The following CBY2 variants were observed in gnomAD, a reference collection of about 807,000 sequenced individuals.
CBY2 encodes the protein chibby family member 2.
Under a neutral mutation model 25.3 loss-of-function variants are expected in CBY2, and 23 were observed. That is an observed-to-expected ratio of 0.91 (90% CI 0.65 to 1.29). The LOEUF is 1.29. CBY2 is among the 50% of genes most tolerant of loss of function. The pLI is 0.00. For synonymous variants in CBY2, 279 were observed against 260.2 expected (o/e 1.07, Z -0.70); for missense variants, 642 against 590.7 (o/e 1.09, Z -0.90).
At chr13:45,709,552 T>G (rs1470082914) in intron 2 of CBY2, among the ~76,000 whole-genome samples, 1 of 152,242 alleles carries the variant, frequency 6.6e-6, no homozygotes, top group Non-Finnish European at 1.5e-5. Flanking sequence ...TGTTAAATGT[T>G]AAAGGGTGAT....
In CBY2 at chr13:45,709,470, G is replaced by A. The variant is rs533565175; in HGVS notation, c.157-3712G>A. Among the ~76,000 whole-genome samples the A allele has an allele frequency of 3.0e-3, 456 of 152,274 alleles. 11 individuals carry two copies. Among genetic ancestry groups the A allele is most frequent in the Non-Finnish European group, 6.5e-4 (44 of 68,010 alleles). On this transcript the variant is annotated intron_variant, in intron 2 of 2. Coordinates refer to ENST00000310521, the MANE Select transcript of CBY2 (RefSeq NM_152719.3). ...ATTGTCTCTCTGGCTGAAACAAAAC[G>A]ATCGTTAAAAAGAAATGAGAATTGG... is the stretch of plus-strand genomic sequence containing the variant.
In CBY2 at chr13:45,713,888, A is replaced by T; in HGVS notation, c.863A>T (p.His288Leu). The change falls in exon 3 of 3, where the codon CAC (histidine) becomes CTC (leucine). Residue 288 changes from histidine (H) to leucine (L), a missense_variant. His to Leu is a moderately conservative substitution (Grantham distance 99). Transcript: ENST00000310521. This position sits in a 1 kb window ranked among gnomAD's most constrained non-coding sequence, Gnocchi z 5.0. ...GAAAGCAAGCCCGCCCCCTCACCCC[A>T]CGAGGAGCCCTGCAGCCCCGGGCTG... ...AEESKPAPSP[H>L]EEPCSPGLLQ... The T allele has an allele frequency of 6.5e-7, 1 of 1,532,544 alleles. No individual in the cohort carries two copies. Among genetic ancestry groups the T allele is most frequent in the Non-Finnish European group, 8.7e-7 (1 of 1,144,096 alleles). 94.9% of individuals were successfully genotyped at this position (1,532,544 alleles called of 1,614,324 possible). A position where few individuals can be genotyped will look rare whatever the true frequency, so the allele number is the denominator to read the frequency against.
At chr13:45,702,665 T>C (rs1473212324) in intron 1 of CBY2, 110 bp from the exon 2 acceptor site, 2 of 971,568 alleles carry the variant, frequency 2.1e-6, no homozygotes, top group Non-Finnish European at 3.2e-6. Context: ...TGTACATAAT[T>C]GACAAGAGAG....
rs748210115 is a variant in CBY2, at chr13:45,713,766, G to A, written c.741G>A (p.Leu247=). The A allele has an allele frequency of 1.2e-6, 2 of 1,605,532 alleles. No individual in the cohort carries two copies. Among genetic ancestry groups the A allele is most frequent in the South Asian group, 2.2e-5 (2 of 90,594 alleles). The part of the protein sequence containing the change: ...QVPRGKEDST[L]QLLREENRAL... ...CCCGTGGCAAGGAGGACAGCACCCT[G>A]CAGCTCCTCCGGGAGGAGAATCGCG... The change falls in exon 3 of 3, where the codon CTG becomes CTA. Residue 247 remains leucine, a synonymous_variant. Transcript: ENST00000310521. The surrounding 1 kb of genome is among the most constrained non-coding windows in gnomAD (Gnocchi z 5.0).
At chr13:45,706,575 C>G (rs1024390945) in intron 2 of CBY2, among the ~76,000 whole-genome samples, 2 of 152,146 alleles carry the variant, frequency 1.3e-5, no homozygotes, top group Non-Finnish European at 2.9e-5. Context: ...CTTTTTCTTT[C>G]CTACCTACTG....
chr13:45,703,355 G>T, intron 2 of CBY2: 1 of 1,433,354 alleles, frequency 7.0e-7, no homozygotes, highest in East Asian at 2.5e-5. Flanking sequence ...CATGGGCATA[G>T]ATGCTTTTTC....
chr13:45,704,498 G>A lies in CBY2; in HGVS notation c.156+1643G>A, dbSNP rs1326883770. Among the ~76,000 whole-genome samples the A allele has an allele frequency of 6.6e-6, 1 of 152,174 alleles. No individual in the cohort carries two copies. Among genetic ancestry groups the A allele is most frequent in the Non-Finnish European group, 1.5e-5 (1 of 68,036 alleles). On this transcript the variant is annotated intron_variant, in intron 2 of 2. Coordinates refer to ENST00000310521, the MANE Select transcript of CBY2 (RefSeq NM_152719.3). The surrounding 1 kb of genome is among the most constrained non-coding windows in gnomAD (Gnocchi z 4.1). ...AGGATGCTCAAGACTGGCACTCTGG[G>A]GGATGGGTGTGGGTGTCTACAACTA...
At chr13:45,709,094 A>G (rs1303671889) in intron 2 of CBY2, among the ~76,000 whole-genome samples, 1 of 152,210 alleles carries the variant, frequency 6.6e-6, no homozygotes. Context: ...TGGACCAGAG[A>G]CAGTTAGGCC....
rs796937373 is a variant in CBY2 at position 45,704,098 on chromosome 13, C to A, written c.156+1243C>A. On this transcript the variant is annotated intron_variant, in intron 2 of 2. Coordinates refer to ENST00000310521, the MANE Select transcript of CBY2 (RefSeq NM_152719.3). The surrounding 1 kb of genome is among the most constrained non-coding windows in gnomAD (Gnocchi z 4.1). The stretch of plus-strand genomic sequence containing the variant: ...AAAGTTGGTGTTTAAGAAACTTGGT[C>A]AGGCAGAGGATGCCAACCTAGGGGT... Among the ~76,000 whole-genome samples, 19 of 152,262 alleles carry A rather than the reference C, an allele frequency of 1.2e-4. No homozygotes were observed. Among genetic ancestry groups the A allele is most frequent in the African/African-American group, 4.6e-4 (19 of 41,546 alleles).
In CBY2 at chr13:45,714,187, G is replaced by C. The variant is rs760290377; in HGVS notation, c.1162G>C (p.Ala388Pro). The change falls in exon 3 of 3, where the codon GCA (alanine) becomes CCA (proline). Residue 388 changes from alanine to proline, a missense_variant. Coordinates refer to ENST00000310521, the MANE Select transcript of CBY2 (RefSeq NM_152719.3). Reference sequence around the variant, plus strand: ...GAACAGGACCCTGCAGGTGCTACGGGCAGAGCACAGGGGCTTCCAGGAGGA... The same window carrying C: ...GAACAGGACCCTGCAGGTGCTACGGCCAGAGCACAGGGGCTTCCAGGAGGA... Reference protein sequence around the residue: ...EENRTLQVLRAEHRGFQEENK... With the variant: ...EENRTLQVLRPEHRGFQEENK... 11 of 1,611,766 alleles carry C rather than the reference G, an allele frequency of 6.8e-6. No individual in the cohort carries two copies. In the Admixed American group the frequency reaches 1.5e-4, roughly 22 times the overall value.
At chr13:45,703,691 C>T (rs1169279072) in intron 2 of CBY2, 2 of 957,514 alleles carry the variant, frequency 2.1e-6, no homozygotes, top group Non-Finnish European at 3.2e-6. Flanking sequence ...CAAGTATGTT[C>T]AGCGGGAGGC....
intron 2 of CBY2, among the ~76,000 whole-genome samples, chr13:45,709,352 C>T (rs1264359518): frequency 2.0e-5 from 3 of 152,168 alleles, no homozygotes; most frequent in East Asian, 3.9e-4. Flanking sequence ...ACACAGGCAG[C>T]TGAATGCCAT....
chr13:45,704,471 T>C lies in CBY2; in HGVS notation c.156+1616T>C, dbSNP rs1950229072. ...CCATGCACCAGGTTTTGGACACCTG[T>C]CAGGATGCTCAAGACTGGCACTCTG... On this transcript the variant is annotated intron_variant, in intron 2 of 2. Coordinates refer to ENST00000310521, the MANE Select transcript of CBY2 (RefSeq NM_152719.3). The surrounding 1 kb of genome is among the most constrained non-coding windows in gnomAD (Gnocchi z 4.1). 6.6e-6 allele frequency among the ~76,000 whole-genome samples: 1 copy of C among 152,146 alleles called. No individual in the cohort carries two copies. Among genetic ancestry groups the C allele is most frequent in the African/African-American group, 2.4e-5 (1 of 41,424 alleles).
rs1387629556 is a variant in CBY2, at chr13:45,714,443, C to A, written c.*71C>A. 1 of 1,334,294 alleles carries A rather than the reference C, an allele frequency of 7.5e-7. No individual in the cohort carries two copies. Among genetic ancestry groups the A allele is most frequent in the African/African-American group, 1.5e-5 (1 of 67,900 alleles). 82.7% of individuals were successfully genotyped at this position (1,334,294 alleles called of 1,614,324 possible). A position where few individuals can be genotyped will look rare whatever the true frequency, so the allele number is the denominator to read the frequency against. ...TGGGCAAAAGAGAATCCCCTGCCTT[C>A]CTTTGTCGTCCTCGCCTTCCCCAGC... is the stretch of plus-strand genomic sequence containing the variant. On this transcript the variant is annotated 3_prime_UTR_variant, in exon 3 of 3. Transcript: ENST00000310521.
In CBY2 at chr13:45,702,822, C is replaced by T. The variant is rs765671146; in HGVS notation, c.123C>T (p.Ser41=). The change falls in exon 2 of 3, where the codon AGC becomes AGT. Residue 41 remains serine, a synonymous_variant. Transcript: ENST00000310521. ...GAAAAAGAGATACCAGATCTGAAAG[C>T]CTAGAAATTCCAATCAGTGTGGTTC... ...YTRKRDTRSE[S]LEIPISVVLP... The T allele has an allele frequency of 4.3e-6, 7 of 1,614,060 alleles. No individual in the cohort carries two copies. In the South Asian group the frequency reaches 7.7e-5, roughly 18 times the overall value.
At chr13:45,707,043 C>A (rs1192154432) in intron 2 of CBY2, among the ~76,000 whole-genome samples, 1 of 152,150 alleles carries the variant, frequency 6.6e-6, no homozygotes, top group Non-Finnish European at 1.5e-5. Flanking sequence ...CCTCTGGCAA[C>A]CCCAGGAAGT....
intron 2 of CBY2, chr13:45,703,422 T>G: frequency 2.7e-6 from 4 of 1,507,036 alleles, no homozygotes; most frequent in Non-Finnish European, 3.5e-6. Context: ...TCCTCCTGCC[T>G]GCAATCAGCT....
In CBY2 at chr13:45,713,221, T is replaced by C. The variant is rs770298653; in HGVS notation, c.196T>C (p.Tyr66His). 7 of 1,613,432 alleles carry C rather than the reference T, an allele frequency of 4.3e-6. No homozygotes were observed. In the South Asian group the frequency reaches 5.5e-5, roughly 13 times the overall value. Residue 66 changes from tyrosine (Y) to histidine (H), a missense_variant, in exon 3 of 3, where the codon TAC (tyrosine) becomes CAC (histidine). By Grantham distance (83) the Tyr-to-His change is moderately conservative. Coordinates refer to ENST00000310521, the MANE Select transcript of CBY2 (RefSeq NM_152719.3). The surrounding 1 kb of genome is among the most constrained non-coding windows in gnomAD (Gnocchi z 5.0). ...ACCCTTCCCGAGGCTCCACAACTTG[T>C]ACAGCACCCCTCGCTGCGCGCAGCA... is the stretch of plus-strand genomic sequence containing the variant. ...AEPFPRLHNL[Y>H]STPRCAQQAA...
In CBY2 at chr13:45,713,570, T is replaced by TG; in HGVS notation, c.546dup (p.Arg183AlafsTer233). 6.2e-7 allele frequency: 1 copy of TG among 1,614,032 alleles called. No individual in the cohort carries two copies. The highest frequency in any genetic ancestry group is 1.1e-5 in the South Asian group (1 of 91,080). On this transcript the variant is annotated frameshift_variant, in exon 3 of 3. Transcript: ENST00000310521. LOFTEE classifies it high-confidence loss of function. The surrounding 1 kb of genome is among the most constrained non-coding windows in gnomAD (Gnocchi z 5.0). ...TCTCTGCGGGAGGAGAACAAGGCCC[T>TG]GCGCGAGGAGAACCGGATGCTCAGC... is the stretch of plus-strand genomic sequence containing the variant.
Sources: allele counts gnomAD v4.1 joint callset (sites outside exome capture counted in the v4.1 genomes callset), GRCh38; gene constraint gnomAD v4.1.1; non-coding constraint Gnocchi (gnomAD v3.1); transcripts MANE v1.5; gene names NCBI Gene and HGNC (gene_info 2026-07-23, HGNC 2026-07-21).